The following SYVN1 variants were observed in gnomAD, a reference collection of about 807,000 sequenced individuals.
SYVN1 encodes the protein synoviolin 1.
A neutral mutation model predicts 62.6 loss-of-function variants in SYVN1; 17 were observed. That is an observed-to-expected ratio of 0.27 (90% CI 0.19 to 0.41). SYVN1 has a LOEUF of 0.41. Among genes scored for constraint, SYVN1 ranks in the 10% least tolerant of loss-of-function variants. The probability of loss-of-function intolerance (pLI) is 1.00; values close to 1 mark genes in which losing one functional copy is unlikely to be tolerated. For missense variants in SYVN1, 634 were observed against 818.0 expected (o/e 0.78, Z 2.74); for synonymous variants, 316 against 304.0 (o/e 1.04, Z -0.41).
rs191858723 is a variant in SYVN1 at position 65,129,906 on chromosome 11, G to A, written c.1418C>T (p.Pro473Leu). The A allele has an allele frequency of 9.3e-6, 15 of 1,613,490 alleles. No individual in the cohort carries two copies. The highest frequency in any genetic ancestry group is 3.3e-5 in the South Asian group (3 of 91,056). The change falls in exon 14 of 16, where the codon CCA becomes CTA. Residue 473 changes from proline to leucine, a missense_variant. Transcript: ENST00000377190. ...MPLPPPFAFP[P>L]MPVPPAGFAG... ...AAAGCCCGCAGGGGGCACAGGCATT[G>A]GGGGGAAGGCTGGAGAGAGAGAGGC...
chr11:65,128,421 C>T lies in SYVN1; in HGVS notation c.1815G>A (p.Arg605=), dbSNP rs745844292. The change falls in exon 16 of 16, where the codon CGG becomes CGA. Residue 605 remains arginine (R), a synonymous_variant. Transcript: ENST00000377190. ...GAGACTCCAGCTTCTGCAGGCGGCGCCGGCGGAGCTCTGCTGCATCGGGCT... is the reference window on the plus strand; with the variant it reads ...GAGACTCCAGCTTCTGCAGGCGGCGTCGGCGGAGCTCTGCTGCATCGGGCT... The part of the protein sequence containing the change: ...DGEPDAAELR[R]RRLQKLESPV... The T allele has an allele frequency of 6.2e-6, 10 of 1,613,998 alleles. No homozygotes were observed. The South Asian group carries it at 1.1e-4, about 18-fold the overall frequency.
chr11:65,130,084 A>G lies in SYVN1; in HGVS notation c.1326T>C (p.Ser442=). 6.2e-7 allele frequency: 1 copy of G among 1,610,492 alleles called. No homozygotes were observed. The highest frequency in any genetic ancestry group is 1.1e-5 in the South Asian group (1 of 90,482). Reference sequence around the variant, plus strand: ...CAGGGCCAGCCTCTGGGGCAGAGCCAGAGCCTGGGCCAGATGCTGTGGCAG... The same window carrying G: ...CAGGGCCAGCCTCTGGGGCAGAGCCGGAGCCTGGGCCAGATGCTGTGGCAG... ...AASATASGPG[S]GSAPEAGPAP... Residue 442 remains serine (S), a synonymous_variant, in exon 13 of 16, where the codon TCT becomes TCC. Coordinates refer to ENST00000377190, the MANE Select transcript of SYVN1 (RefSeq NM_172230.3).
Position 65,128,630 on chromosome 11 carries a change from A to G in SYVN1, c.1680T>C (p.Pro560=), listed in dbSNP as rs763227732. The change falls in exon 15 of 16, where the codon CCT becomes CCC. Residue 560 remains proline (P), a synonymous_variant. Transcript: ENST00000377190. ...GGGTTGGGGTCGTGGCCTCTGAGCT[A>G]GGGATGCTGGTGGAGGAGGCAGCAG... is the stretch of plus-strand genomic sequence containing the variant. ...VVAAASSTSI[P]SSEATTPTPG... The G allele has an allele frequency of 1.9e-6, 3 of 1,613,968 alleles. No homozygotes were observed. The highest frequency in any genetic ancestry group is 1.7e-5 in the Admixed American group (1 of 59,982).
In SYVN1 at chr11:65,128,214, T is replaced by G; in HGVS notation, c.*168A>C. ...ATGGCTGCCTGGGACTGGAGTCAAA[T>G]GGGAACCCCAGCCTCTTTCCACTTG... On this transcript the variant is annotated 3_prime_UTR_variant, in exon 16 of 16. Transcript: ENST00000377190. 1.6e-6 allele frequency: 1 copy of G among 623,490 alleles called. No homozygotes were observed. The highest frequency in any genetic ancestry group is 1.9e-5 in the South Asian group (1 of 51,662). The allele number at this position is 623,490 out of a possible 1,614,324, so 38.6% of individuals were successfully genotyped here.
At chr11:65,133,404 C>G in intron 2 of SYVN1, 66 bp downstream of exon 2, 6 of 1,598,878 alleles carry the variant, frequency 3.8e-6, no homozygotes, top group Non-Finnish European at 5.1e-6. Context: ...CTAGCCCCGC[C>G]CCTTGCCCAG....
chr11:65,127,384 T>G lies in SYVN1; in HGVS notation c.*998A>C. The G allele has an allele frequency of 4.2e-6, 1 of 240,384 alleles. No homozygotes were observed. The highest frequency in any genetic ancestry group is 9.4e-5 in the South Asian group (1 of 10,664). The allele number at this position is 240,384 out of a possible 1,614,324, so 14.9% of individuals were successfully genotyped here. ...ATCTGAAACTGTCTCCAACAACTCT[T>G]GTAACACAAAACCAAGGGGAAAAGA... On this transcript the variant is annotated 3_prime_UTR_variant, in exon 16 of 16. Coordinates refer to ENST00000377190, the MANE Select transcript of SYVN1 (RefSeq NM_172230.3).
chr11:65,132,358 G>A lies in SYVN1; in HGVS notation c.428-7C>T. ...CCCAGGAGGAACATAAGAGCTGTGGGGACCCCCACACATGCAGGGTGGGGG... is the reference window on the plus strand; with the variant it reads ...CCCAGGAGGAACATAAGAGCTGTGGAGACCCCCACACATGCAGGGTGGGGG... On this transcript the variant is annotated splice_region_variant and splice_polypyrimidine_tract_variant and intron_variant, in intron 5 of 15. Transcript: ENST00000377190. 9.3e-6 allele frequency: 15 copies of A among 1,606,906 alleles called. No homozygotes were observed. Among genetic ancestry groups the A allele is most frequent in the Non-Finnish European group, 1.3e-5 (15 of 1,173,624 alleles).
In SYVN1 at chr11:65,132,979, G is replaced by A; in HGVS notation, c.321C>T (p.Phe107=). ...AACATTTGAGGAAGAGAAGAAGAGT[G>A]AAGAGTGCAACAAAGCGGGGGCTGA... ...DDFSPRFVAL[F]TLLLFLKCFH... Residue 107 remains phenylalanine, a synonymous_variant, in exon 4 of 16, where the codon TTC becomes TTT. Coordinates refer to ENST00000377190, the MANE Select transcript of SYVN1 (RefSeq NM_172230.3). 4 of 1,614,234 alleles carry A rather than the reference G, an allele frequency of 2.5e-6. No individual in the cohort carries two copies. The highest frequency in any genetic ancestry group is 1.7e-5 in the Admixed American group (1 of 60,032).
intron 13 of SYVN1, 34 bp from the exon 14 acceptor site, chr11:65,129,949 G>A: frequency 6.2e-7 from 1 of 1,605,860 alleles, no homozygotes; most frequent in Non-Finnish European, 8.5e-7. Flanking sequence ...GGGCTGCTGG[G>A]GCCAGACACC....
Position 65,130,183 on chromosome 11 carries a change from G to A in SYVN1, c.1235-8C>T. On this transcript the variant is annotated splice_region_variant and splice_polypyrimidine_tract_variant and intron_variant, in intron 12 of 15. Transcript: ENST00000377190. ...TGGGCCGAGAAAGGGCTGCTGAAGA[G>A]CAGGAACGAAGTCAGTGAGTGTTCC... 6.2e-7 allele frequency: 1 copy of A among 1,605,698 alleles called. No homozygotes were observed. Among genetic ancestry groups the A allele is most frequent in the Non-Finnish European group, 8.5e-7 (1 of 1,175,500 alleles).
Position 65,128,618 on chromosome 11 carries a change from G to A in SYVN1, c.1692C>T (p.Ala564=). ...ASSTSIPSSE[A]TTPTPGASPP... is the part of the protein sequence containing the mutation. The stretch of plus-strand genomic sequence containing the variant: ...GGGAGGCTCCTGGGGTTGGGGTCGT[G>A]GCCTCTGAGCTAGGGATGCTGGTGG... The change falls in exon 15 of 16, where the codon GCC becomes GCT. Residue 564 remains alanine (A), a synonymous_variant. Coordinates refer to ENST00000377190, the MANE Select transcript of SYVN1 (RefSeq NM_172230.3). 2 of 1,614,128 alleles carry A rather than the reference G, an allele frequency of 1.2e-6. No homozygotes were observed. The highest frequency in any genetic ancestry group is 2.2e-5 in the South Asian group (2 of 91,084).
chr11:65,129,725 A>G lies in SYVN1; in HGVS notation c.1595+4T>C, dbSNP rs950472788. 1.2e-6 allele frequency: 2 copies of G among 1,613,862 alleles called. No individual in the cohort carries two copies. Among genetic ancestry groups the G allele is most frequent in the African/African-American group, 2.7e-5 (2 of 74,924 alleles). The stretch of plus-strand genomic sequence containing the variant: ...CCCACTCTGCTTCCCCTGTACAGAC[A>G]CACCCCAAGGAGGCCAGCACGGTGA... On this transcript the variant is annotated splice_donor_region_variant and intron_variant, in intron 14 of 15. Coordinates refer to ENST00000377190, the MANE Select transcript of SYVN1 (RefSeq NM_172230.3).
intron 14 of SYVN1, chr11:65,129,448 A>G: frequency 5.3e-6 from 2 of 379,440 alleles, no homozygotes; most frequent in South Asian, 1.2e-4. Flanking sequence ...GAACTAAAGC[A>G]CTGCAAATTC....
Position 65,131,096 on chromosome 11 carries a change from C to G in SYVN1, c.824+36G>C, listed in dbSNP as rs200491332. The G allele has an allele frequency of 4.3e-6, 7 of 1,613,938 alleles. No homozygotes were observed. The Admixed American group carries it at 6.7e-5, about 15-fold the overall frequency. On this transcript the variant is annotated intron_variant, in intron 9 of 15. Coordinates refer to ENST00000377190, the MANE Select transcript of SYVN1 (RefSeq NM_172230.3). The stretch of plus-strand genomic sequence containing the variant: ...AGCTGGAAGCAGAGGGACCCAGGAC[C>G]GAGCTTGGGACAGCAGCCATGACAA...
chr11:65,133,989 C>T (rs183744605), intron 1 of SYVN1, among the ~76,000 whole-genome samples: 1,541 of 152,338 alleles, frequency 0.01, 29 homozygotes, highest in Non-Finnish European at 0.01. Flanking sequence ...GAAATCTGCT[C>T]CAGGGGCGGG....
chr11:65,131,327 G>A lies in SYVN1; in HGVS notation c.705C>T (p.Ile235=), dbSNP rs757539181. The change falls in exon 8 of 16, where the codon ATC becomes ATT. Residue 235 remains isoleucine, a synonymous_variant. Coordinates refer to ENST00000377190, the MANE Select transcript of SYVN1 (RefSeq NM_172230.3). ...LLYMAFMTIM[I]KVHTFPLFAI... is the part of the protein sequence containing the mutation. ...CAAAGAGTGGGAAGGTGTGCACCTT[G>A]ATCATGATGGTCATGAAGGCCATGT... 5 of 1,614,100 alleles carry A rather than the reference G, an allele frequency of 3.1e-6. No homozygotes were observed. The highest frequency in any genetic ancestry group is 3.4e-6 in the Non-Finnish European group (4 of 1,180,006).
chr11:65,130,267 A>T lies in SYVN1; in HGVS notation c.1218T>A (p.Pro406=). ...PPPSSGEAVA[P]PSTSAAALSR... ...AAGGCTCACCTGCACTGGTGGATGG[A>T]GGAGCCACAGCCTCTCCTGAGCTGG... The change falls in exon 12 of 16, where the codon CCT becomes CCA. Residue 406 remains proline (P), a synonymous_variant. Transcript: ENST00000377190. 6.2e-7 allele frequency: 1 copy of T among 1,602,096 alleles called. No individual in the cohort carries two copies. Among genetic ancestry groups the T allele is most frequent in the Non-Finnish European group, 8.5e-7 (1 of 1,174,312 alleles).
chr11:65,132,532 G>A, intron 5 of SYVN1, 181 bp from the exon 6 acceptor site: 1 of 775,646 alleles, frequency 1.3e-6, no homozygotes, highest in South Asian at 1.7e-5. Context: ...TGTTGGGGCT[G>A]CCCAGGCTGC....
In SYVN1 at chr11:65,128,020, AGT is replaced by A. The variant is rs1231750120; in HGVS notation, c.*360_*361del. On this transcript the variant is annotated 3_prime_UTR_variant, in exon 16 of 16. Transcript: ENST00000377190. ...GGGAGCTAATACTGTTCGGCACTGC[AGT>A]GTGACTCCGCACATACAAGTAGGGC... 2.7e-6 allele frequency: 1 copy of A among 374,512 alleles called. No individual in the cohort carries two copies. The allele number at this position is 374,512 out of a possible 1,614,324, so 23.2% of individuals were successfully genotyped here. A position where few individuals can be genotyped will look rare whatever the true frequency, so the allele number is the denominator to read the frequency against.
Sources: allele counts gnomAD v4.1 joint callset (sites outside exome capture counted in the v4.1 genomes callset), GRCh38; gene constraint gnomAD v4.1.1; transcripts MANE v1.5; gene names NCBI Gene and HGNC (gene_info 2026-07-23, HGNC 2026-07-21).